MCU: variants seen among roughly 807,000 people sequenced by gnomAD.
MCU encodes the protein mitochondrial calcium uniporter.
In MCU, 12 loss-of-function variants were observed where a neutral mutation model predicts 45.2. The ratio of observed to expected loss-of-function variants is 0.27; its 90% CI spans 0.17 to 0.43. The LOEUF (loss-of-function observed/expected upper bound fraction) is 0.43, where lower values mean the gene tolerates loss of function less well. MCU is among the 20% of genes least tolerant of loss of function. MCU has a pLI of 1.00. For missense variants in MCU, 324 were observed against 436.7 expected, an observed-to-expected ratio of 0.74 and a Z score of 2.30; for synonymous variants, 160 against 165.1, an observed-to-expected ratio of 0.97 and a Z score of 0.24.
chr10:72,831,991 A>G (rs1179900492), intron 1 of MCU, among the ~76,000 whole-genome samples: 1 of 152,208 alleles, frequency 6.6e-6, no homozygotes, highest in Non-Finnish European at 1.5e-5. Context: ...AGTAACTACT[A>G]GAACAAAAAA....
chr10:72,813,297 G>A (rs1844572074), intron 1 of MCU, among the ~76,000 whole-genome samples: 1 of 148,950 alleles, frequency 6.7e-6, no homozygotes, highest in Admixed American at 6.7e-5. Flanking sequence ...ATGAGCAAAG[G>A]CATCAACCAA....
intron 1 of MCU, among the ~76,000 whole-genome samples, chr10:72,807,736 G>A (rs1443287135): frequency 2.6e-5 from 4 of 152,108 alleles, no homozygotes; most frequent in Non-Finnish European, 4.4e-5. Flanking sequence ...GCTGTTCTAA[G>A]GGATGGCCAA....
intron 1 of MCU, among the ~76,000 whole-genome samples, chr10:72,742,925 A>G (rs1304230064): frequency 1.3e-5 from 2 of 152,026 alleles, no homozygotes; most frequent in African/African-American, 2.4e-5. Context: ...TATTCAAGGT[A>G]GGAAGTCAGG....
At chr10:72,841,129 C>G (rs1325559482) in intron 2 of MCU, among the ~76,000 whole-genome samples, 1 of 152,084 alleles carries the variant, frequency 6.6e-6, no homozygotes, top group African/African-American at 2.4e-5. Flanking sequence ...ATAACTGATA[C>G]TGTTCAAAGC....
At chr10:72,790,721 A>G (rs1451140789) in intron 1 of MCU, among the ~76,000 whole-genome samples, 1 of 152,200 alleles carries the variant, frequency 6.6e-6, no homozygotes. Flanking sequence ...CTGGTGCTAC[A>G]TAATAAAAGC....
chr10:72,860,746 G>T (rs1845363997), intron 4 of MCU, among the ~76,000 whole-genome samples: 1 of 152,130 alleles, frequency 6.6e-6, no homozygotes, highest in African/African-American at 2.4e-5. Context: ...CTAGATTCCA[G>T]AATGCTTCAT....
chr10:72,816,904 A>G (rs1258110648), intron 1 of MCU, among the ~76,000 whole-genome samples: 1 of 152,252 alleles, frequency 6.6e-6, no homozygotes, highest in Non-Finnish European at 1.5e-5. Context: ...AAATAATTGC[A>G]TTTAACAACT....
At chr10:72,772,977 T>C (rs1274057476) in intron 1 of MCU, among the ~76,000 whole-genome samples, 2 of 152,100 alleles carry the variant, frequency 1.3e-5, no homozygotes, top group Non-Finnish European at 2.9e-5. Context: ...TGGCTCACTG[T>C]AGCCTCAACC....
chr10:72,696,836 C>T (rs1380740114), intron 1 of MCU, among the ~76,000 whole-genome samples: 2 of 152,076 alleles, frequency 1.3e-5, no homozygotes, highest in Non-Finnish European at 2.9e-5. Context: ...AATAGCCTTC[C>T]TTAGGTAGCC....
intron 2 of MCU, among the ~76,000 whole-genome samples, chr10:72,837,553 A>G (rs1229460206): frequency 6.6e-6 from 1 of 152,232 alleles, no homozygotes; most frequent in East Asian, 1.9e-4. Context: ...AGAAAAATGT[A>G]GAAACAGTAC....
intron 2 of MCU, among the ~76,000 whole-genome samples, chr10:72,851,808 T>C (rs1375167514): frequency 6.6e-6 from 1 of 152,188 alleles, no homozygotes; most frequent in Non-Finnish European, 1.5e-5. Flanking sequence ...TCGTTAGTTT[T>C]TGTGAAGGCA....
At chr10:72,873,887 C>A (rs1043320941) in intron 6 of MCU, among the ~76,000 whole-genome samples, 3 of 152,058 alleles carry the variant, frequency 2.0e-5, no homozygotes, top group Non-Finnish European at 2.9e-5. Context: ...TTCGTGGTGC[C>A]TTTGTCAAAG....
intron 1 of MCU, among the ~76,000 whole-genome samples, chr10:72,804,088 A>T (rs1844391408): frequency 1.4e-5 from 1 of 69,880 alleles, no homozygotes; most frequent in African/African-American, 4.8e-5. Flanking sequence ...TAAGAGTGCC[A>T]ACAATTTACA....
chr10:72,703,849 T>G (rs1029087661), intron 1 of MCU, among the ~76,000 whole-genome samples: 2 of 151,816 alleles, frequency 1.3e-5, no homozygotes, highest in Non-Finnish European at 2.9e-5. Flanking sequence ...TGAGCAGAGA[T>G]CACTGCATTC....
At chr10:72,827,106 G>C (rs1404126195) in intron 1 of MCU, among the ~76,000 whole-genome samples, 1 of 152,162 alleles carries the variant, frequency 6.6e-6, no homozygotes, top group Non-Finnish European at 1.5e-5. Context: ...ATCCCTCACA[G>C]ATAACGGGGG....
At chr10:72,710,234 C>T (rs369209075) in intron 1 of MCU, among the ~76,000 whole-genome samples, 1 of 152,244 alleles carries the variant, frequency 6.6e-6, no homozygotes, top group African/African-American at 2.4e-5. Flanking sequence ...CCTCAGCCTC[C>T]CAAAGTGCTG....
intron 1 of MCU, among the ~76,000 whole-genome samples, chr10:72,807,082 G>A (rs1362462390): frequency 1.3e-5 from 2 of 152,200 alleles, no homozygotes; most frequent in East Asian, 3.8e-4. Flanking sequence ...GGTTCCTTAA[G>A]TCACTGAGAA....
intron 1 of MCU, among the ~76,000 whole-genome samples, chr10:72,711,221 CTTTTT>C (rs78511090): frequency 2.3e-5 from 3 of 130,102 alleles, no homozygotes; most frequent in Admixed American, 7.8e-5. Context: ...TTCTGCAAAT[CTTTTT>C]TTTTTTTTTT....
intron 1 of MCU, among the ~76,000 whole-genome samples, chr10:72,714,701 C>G (rs571702306): frequency 9.1e-4 from 138 of 152,108 alleles, no homozygotes; most frequent in Middle Eastern, 3.4e-3. Context: ...TGCAACACCA[C>G]GCTGGGCAAA....
Sources: gnomAD v4.1 joint callset for allele counts (sites outside exome capture counted in the v4.1 genomes callset) on GRCh38, gnomAD v4.1.1 for gene constraint, MANE v1.5 for transcripts, NCBI Gene and HGNC (gene_info 2026-07-23, HGNC 2026-07-21) for gene names.